The following KCNH6 variants were observed in gnomAD, a reference collection of about 807,000 sequenced individuals.
KCNH6 encodes potassium voltage-gated channel subfamily H member 6, also known as voltage-gated inwardly rectifying potassium channel KCNH6.
A neutral mutation model predicts 83.4 loss-of-function variants in KCNH6; 81 were observed. That is an observed-to-expected ratio of 0.97 (90% CI 0.81 to 1.17). The LOEUF is 1.17. Among genes scored for constraint, KCNH6 ranks in the 50% most tolerant of loss-of-function variants. The pLI is 0.00. For synonymous variants in KCNH6, 503 were observed against 545.6 expected, an observed-to-expected ratio of 0.92 and a Z score of 1.09; for missense variants, 1,203 against 1,290.5, an observed-to-expected ratio of 0.93 and a Z score of 1.04.
chr17:63,546,350 A>T lies in KCNH6; in HGVS notation c.*448A>T, dbSNP rs1479924869. 6.4e-6 allele frequency: 1 copy of T among 157,114 alleles called. No individual in the cohort carries two copies. Among genetic ancestry groups the T allele is most frequent in the Non-Finnish European group, 1.4e-5 (1 of 70,936 alleles). The allele number at this position is 157,114 out of a possible 1,614,324, so 9.7% of individuals were successfully genotyped here. A position where few individuals can be genotyped will look rare whatever the true frequency, so the allele number is the denominator to read the frequency against. The stretch of plus-strand genomic sequence containing the variant: ...GTGACCCAGGATGGCGTGGGTGAAG[A>T]AGCTCACGACTTTTCCCAGCCTCCT... On this transcript the variant is annotated 3_prime_UTR_variant, in exon 13 of 13. Transcript: ENST00000314672.
At chr17:63,544,899 G>T (rs1329370857) in intron 11 of KCNH6, among the ~76,000 whole-genome samples, 179 bp from the exon 12 acceptor site, 3 of 152,162 alleles carry the variant, frequency 2.0e-5, no homozygotes, top group Non-Finnish European at 4.4e-5. Flanking sequence ...TTAAGAGTCA[G>T]GGGTGTACCA....
At position 63,543,925 on chromosome 17, in the gene KCNH6, G is replaced by GGGGC. The variant is rs2033010776; in HGVS notation, c.2233+265_2233+266insGGGC. 8.1e-6 allele frequency: 6 copies of GGGGC among 739,510 alleles called. No homozygotes were observed. The East Asian group carries it at 1.6e-4, about 20-fold the overall frequency. 45.8% of individuals were successfully genotyped at this position (739,510 alleles called of 1,614,324 possible). On this transcript the variant is annotated intron_variant, in intron 10 of 12. Coordinates refer to ENST00000314672, the MANE Select transcript of KCNH6 (RefSeq NM_001278919.2). The stretch of plus-strand genomic sequence containing the variant: ...GTGTATGGAGACTAGCCAGCCCCCT[G>GGGGC]AGGTTCCACACCAAGGCATCAGGGG...
At chr17:63,547,650 C>G (rs1385618504), downstream of KCNH6, among the ~76,000 whole-genome samples, 1 of 152,086 alleles carries the variant, frequency 6.6e-6, no homozygotes, top group East Asian at 1.9e-4. Flanking sequence ...GTTTGCAACA[C>G]AAATATGTAT....
intron 8 of KCNH6, among the ~76,000 whole-genome samples, 175 bp from the exon 9 acceptor site, chr17:63,542,065 AC>A (rs2032893598): frequency 6.6e-6 from 1 of 151,768 alleles, no homozygotes; most frequent in Admixed American, 6.6e-5. Flanking sequence ...GAACAGCCCC[AC>A]CCCTACCCTG....
intron 9 of KCNH6, among the ~76,000 whole-genome samples, chr17:63,542,809 C>T (rs1468331261): frequency 6.6e-6 from 1 of 152,194 alleles, no homozygotes; most frequent in African/African-American, 2.4e-5. Context: ...ATTCCTACTA[C>T]ATCATACCAA....
At chr17:63,536,426 C>G (rs191932937) in intron 6 of KCNH6, among the ~76,000 whole-genome samples, 1 of 152,090 alleles carries the variant, frequency 6.6e-6, no homozygotes, top group South Asian at 2.1e-4. Context: ...GTGGGTCACC[C>G]GAGGTCAAGA....
intron 4 of KCNH6, among the ~76,000 whole-genome samples, 193 bp downstream of exon 4, chr17:63,530,735 C>T (rs1189180449): frequency 1.3e-5 from 2 of 152,210 alleles, no homozygotes; most frequent in African/African-American, 4.8e-5. Context: ...GCCCTGAGGT[C>T]ACAGCCCTTG....
Position 63,533,906 on chromosome 17 carries a change from T to C in KCNH6, c.696T>C (p.Asp232=). 6.2e-7 allele frequency: 1 copy of C among 1,613,558 alleles called. No individual in the cohort carries two copies. Among genetic ancestry groups the C allele is most frequent in the Non-Finnish European group, 8.5e-7 (1 of 1,179,758 alleles). ...CCCAGGTCCTGTCCCTGGGCGCGGA[T>C]GTGCTGCCGGAGTACAAGCTGCAGG... ...KVTQVLSLGA[D]VLPEYKLQAP... is the part of the protein sequence containing the mutation. The change falls in exon 5 of 13, where the codon GAT becomes GAC. Residue 232 remains aspartate (D), a synonymous_variant. Transcript: ENST00000314672. The surrounding 1 kb of genome is among the most constrained non-coding windows in gnomAD (Gnocchi z 4.1).
intron 3 of KCNH6, 41 bp from the exon 4 acceptor site, chr17:63,530,296 C>A: frequency 6.2e-7 from 1 of 1,613,852 alleles, no homozygotes; most frequent in Non-Finnish European, 8.5e-7. Flanking sequence ...GCATGAGGGT[C>A]CCCTGGCCGT....
intron 11 of KCNH6, among the ~76,000 whole-genome samples, chr17:63,544,815 G>A (rs2033063519): frequency 6.6e-6 from 1 of 151,992 alleles, no homozygotes; most frequent in Non-Finnish European, 1.5e-5. Context: ...GTGAAATGGG[G>A]ATAATTGGAA....
At chr17:63,547,250 GGCCAGGTGTAGTGGCTCAT>G (rs1315651516), downstream of KCNH6, among the ~76,000 whole-genome samples, 1 of 152,122 alleles carries the variant, frequency 6.6e-6, no homozygotes, top group East Asian at 1.9e-4. Flanking sequence ...TAAAAAAAGA[GGCCAGGTGTAGTGGCTCAT>G]GCCTGTAATC....
At chr17:63,526,428 G>A (rs1179852908) in intron 2 of KCNH6, among the ~76,000 whole-genome samples, 1 of 134,190 alleles carries the variant, frequency 7.5e-6, no homozygotes, top group Non-Finnish European at 1.5e-5. Flanking sequence ...GTCTTGCTCT[G>A]TCACGCAGGC....
At position 63,543,454 on chromosome 17, in the gene KCNH6, G is replaced by C. The variant is rs1333864109; in HGVS notation, c.2149-122G>C. 4.3e-6 allele frequency: 3 copies of C among 694,434 alleles called. No individual in the cohort carries two copies. In the East Asian group the frequency reaches 7.7e-5, roughly 18 times the overall value. The allele number at this position is 694,434 out of a possible 1,614,324, so 43.0% of individuals were successfully genotyped here. On this transcript the variant is annotated intron_variant, in intron 9 of 12. Transcript: ENST00000314672. The stretch of plus-strand genomic sequence containing the variant: ...AAGTCGTCCAGGGCATCGCTGCTGT[G>C]CCCAGCTGCTTGTCATTCTTTCACC...
At chr17:63,536,288 C>G (rs1296608883) in intron 6 of KCNH6, 2 of 568,112 alleles carry the variant, frequency 3.5e-6, no homozygotes, top group Non-Finnish European at 6.2e-6. Flanking sequence ...GGCACCAAGA[C>G]AGGCTACATA....
In KCNH6 at chr17:63,538,583, C is replaced by T. The variant is rs1598002681; in HGVS notation, c.1875C>T (p.Gly625=). ...CTGGGGACACGCTGGTGCACCTCGG[C>T]GACGTGCTCTCCACCCTCTACTTCA... is the stretch of plus-strand genomic sequence containing the variant. ...APPGDTLVHL[G]DVLSTLYFIS... The change falls in exon 8 of 13, where the codon GGC becomes GGT. Residue 625 remains glycine, a synonymous_variant. Coordinates refer to ENST00000314672, the MANE Select transcript of KCNH6 (RefSeq NM_001278919.2). This position sits in a 1 kb window ranked among gnomAD's most constrained non-coding sequence, Gnocchi z 4.0. 1.2e-6 allele frequency: 2 copies of T among 1,612,896 alleles called. No homozygotes were observed. Among genetic ancestry groups the T allele is most frequent in the African/African-American group, 2.7e-5 (2 of 74,900 alleles).
At chr17:63,531,241 G>A (rs996063398) in intron 4 of KCNH6, among the ~76,000 whole-genome samples, 13 of 152,250 alleles carry the variant, frequency 8.5e-5, no homozygotes, top group African/African-American at 2.9e-4. Context: ...AGCCCTGCCC[G>A]AGGCTCCAGT....
At chr17:63,541,752 G>T (rs997142943) in intron 8 of KCNH6, among the ~76,000 whole-genome samples, 1 of 152,174 alleles carries the variant, frequency 6.6e-6, no homozygotes, top group Non-Finnish European at 1.5e-5. Context: ...CTTCACCAGG[G>T]CCATGCTGGT....
rs140857709 is a variant in KCNH6, at chr17:63,533,938, G to A, written c.728G>A (p.Arg243His). The A allele has an allele frequency of 1.1e-3, 1,803 of 1,613,992 alleles. 1 individual carries two copies. The highest frequency in any genetic ancestry group is 1.4e-3 in the Non-Finnish European group (1,661 of 1,179,966). Reference sequence around the variant, plus strand: ...CCGGAGTACAAGCTGCAGGCGCCGCGCATCCACCGCTGGACCATCCTGCAC... The same window carrying A: ...CCGGAGTACAAGCTGCAGGCGCCGCACATCCACCGCTGGACCATCCTGCAC... Reference protein sequence around the residue: ...VLPEYKLQAPRIHRWTILHYS... With the variant: ...VLPEYKLQAPHIHRWTILHYS... Residue 243 changes from arginine (R) to histidine (H), a missense_variant, in exon 5 of 13, where the codon CGC becomes CAC. Transcript: ENST00000314672. This position sits in a 1 kb window ranked among gnomAD's most constrained non-coding sequence, Gnocchi z 4.1.
chr17:63,540,702 G>A (rs752468498), intron 8 of KCNH6, among the ~76,000 whole-genome samples: 1 of 152,120 alleles, frequency 6.6e-6, no homozygotes, highest in Non-Finnish European at 1.5e-5. Context: ...CTTTGATCCT[G>A]TTCTCTTGTG....
Sources: gnomAD v4.1 joint callset for allele counts (sites outside exome capture counted in the v4.1 genomes callset) on GRCh38, gnomAD v4.1.1 for gene constraint, Gnocchi (gnomAD v3.1) non-coding constraint, MANE v1.5 for transcripts, NCBI Gene and HGNC (gene_info 2026-07-23, HGNC 2026-07-21) for gene names.